The following MPHOSPH9 variants were observed in gnomAD, a reference collection of about 807,000 sequenced individuals.
MPHOSPH9 encodes M-phase phosphoprotein 9.
MPHOSPH9 carries 88 observed loss-of-function variants against 145.5 expected under a neutral mutation model. The observed-to-expected ratio is 0.60, with a 90% CI of 0.51 to 0.72. MPHOSPH9 has a LOEUF of 0.72. Ranked by LOEUF, MPHOSPH9 falls within the 30% of genes least tolerant of loss-of-function variation. MPHOSPH9 has a pLI of 0.00. For missense variants in MPHOSPH9, 1,238 were observed against 1,386.6 expected (o/e 0.89, Z 1.70); for synonymous variants, 435 against 486.2 (o/e 0.89, Z 1.39).
chr12:123,156,950 C>T (rs1404331539), intron 23 of MPHOSPH9, 42 bp from the exon 24 acceptor site: 1 of 1,479,210 alleles, frequency 6.8e-7, no homozygotes, highest in Non-Finnish European at 9.4e-7. Flanking sequence ...GAATTCTATA[C>T]CAAGTTCTAT....
chr12:123,156,686 G>T lies in MPHOSPH9; in HGVS notation c.*121C>A. The T allele has an allele frequency of 1.7e-6, 1 of 588,050 alleles. No individual in the cohort carries two copies. The highest frequency in any genetic ancestry group is 2.8e-6 in the Non-Finnish European group (1 of 356,810). The allele number at this position is 588,050 out of a possible 1,614,324, so 36.4% of individuals were successfully genotyped here. A position where few individuals can be genotyped will look rare whatever the true frequency, so the allele number is the denominator to read the frequency against. On this transcript the variant is annotated 3_prime_UTR_variant, in exon 24 of 24. Transcript: ENST00000606320. ...GTATAAAATAGCAAGTGTAAGAATA[G>T]CATGATTGTAAAACTACTGTTTGAA...
At position 123,202,801 on chromosome 12, in the gene MPHOSPH9, G is replaced by A. The variant is rs1320336839; in HGVS notation, c.1604C>T (p.Thr535Met). ...AGTAATGGTATATACTGACGGAAAC[G>A]TGGAACTGGTCCTACTTTCGTTTTG... The part of the protein sequence containing the change: ...TFQNESRTSS[T>M]FPSVYTITSN... Residue 535 changes from threonine (T) to methionine (M), a missense_variant, in exon 10 of 24, where the codon ACG (threonine) becomes ATG (methionine). Physicochemically the swap from Thr to Met is moderately conservative, Grantham distance 81 (BLOSUM62 -1). Transcript: ENST00000606320. 7 of 1,614,200 alleles carry A rather than the reference G, an allele frequency of 4.3e-6. No individual in the cohort carries two copies. The highest frequency in any genetic ancestry group is 5.9e-6 in the Non-Finnish European group (7 of 1,180,042).
chr12:123,226,339 C>A, intron 3 of MPHOSPH9: 1 of 1,175,796 alleles, frequency 8.5e-7, no homozygotes, highest in Non-Finnish European at 1.1e-6. Flanking sequence ...TTTCATTTCG[C>A]TTACTCTACA....
chr12:123,218,502 A>G lies in MPHOSPH9; in HGVS notation c.873-3T>C. 1.2e-6 allele frequency: 2 copies of G among 1,603,948 alleles called. No homozygotes were observed. The highest frequency in any genetic ancestry group is 1.7e-6 in the Non-Finnish European group (2 of 1,176,742). ...GTGCCCATGATGTTATAGCATTACT[A>G]TTTAAGAAGAGAAAACCAAAATTAC... On this transcript the variant is annotated splice_polypyrimidine_tract_variant and splice_region_variant and intron_variant, in intron 5 of 23. Transcript: ENST00000606320.
chr12:123,202,297 T>G lies in MPHOSPH9; in HGVS notation c.1804A>C (p.Lys602Gln). Residue 602 changes from lysine to glutamine, a missense_variant, in exon 11 of 24, where the codon AAG becomes CAG. By Grantham distance (53) the Lys-to-Gln change is moderately conservative. This residue lies in a region of MPHOSPH9 where 837 missense variants were observed against 897.5 expected (regional missense o/e 0.93). Transcript: ENST00000606320. Reference sequence around the variant, plus strand: ...AGATCTGCTATGTGTCGAGCATGCTTTTCCTTCAGATTCTGCCTAATCCTT... The same window carrying G: ...AGATCTGCTATGTGTCGAGCATGCTGTTCCTTCAGATTCTGCCTAATCCTT... ...LSKIRQNLKE[K>Q]HARHIADLRA... 1 of 1,607,398 alleles carries G rather than the reference T, an allele frequency of 6.2e-7. No individual in the cohort carries two copies. The highest frequency in any genetic ancestry group is 8.5e-7 in the Non-Finnish European group (1 of 1,178,416).
chr12:123,223,137 T>C lies in MPHOSPH9; in HGVS notation c.259-10A>G. The C allele has an allele frequency of 7.5e-7, 1 of 1,334,918 alleles. No individual in the cohort carries two copies. The highest frequency in any genetic ancestry group is 2.0e-5 in the South Asian group (1 of 50,726). The allele number at this position is 1,334,918 out of a possible 1,614,324, so 82.7% of individuals were successfully genotyped here. A position where few individuals can be genotyped will look rare whatever the true frequency, so the allele number is the denominator to read the frequency against. On this transcript the variant is annotated splice_polypyrimidine_tract_variant and intron_variant, in intron 3 of 23. Coordinates refer to ENST00000606320, the MANE Select transcript of MPHOSPH9 (RefSeq NM_022782.4). ...GCTGTAACCACCTGGTCTATTAAAT[T>C]ATAAAATATTTTAGTTAAAAATAAT...
At chr12:123,214,393 G>A (rs2046871804) in intron 7 of MPHOSPH9, among the ~76,000 whole-genome samples, 1 of 152,038 alleles carries the variant, frequency 6.6e-6, no homozygotes, top group Non-Finnish European at 1.5e-5. Flanking sequence ...TACAAAAGCT[G>A]GGCATGGTGA....
In MPHOSPH9 at chr12:123,195,526, C is replaced by T. The variant is rs916901944; in HGVS notation, c.2026-925G>A. ...ACTTGAACCCAGGAGGCGGAGGTGG[C>T]AACGAGCCGAGATCATGCCACTGCA... is the stretch of plus-strand genomic sequence containing the variant. On this transcript the variant is annotated intron_variant, in intron 12 of 23. Transcript: ENST00000606320. Among the ~76,000 whole-genome samples the T allele has an allele frequency of 9.3e-5, 14 of 151,298 alleles. No homozygotes were observed. The East Asian group carries it at 2.7e-3, about 29-fold the overall frequency.
chr12:123,163,407 T>A, intron 19 of MPHOSPH9: 1 of 342,756 alleles, frequency 2.9e-6, no homozygotes, highest in African/African-American at 2.2e-5. Flanking sequence ...GGAAATAAGA[T>A]GGAAACAGCA....
intron 23 of MPHOSPH9, 48 bp downstream of exon 23, chr12:123,160,733 C>A: frequency 6.5e-7 from 1 of 1,549,668 alleles, no homozygotes; most frequent in Non-Finnish European, 8.9e-7. Context: ...AACTGGAACA[C>A]TGACTGGCAT....
chr12:123,211,850 G>A lies in MPHOSPH9; in HGVS notation c.1088-1688C>T, dbSNP rs373918488. ...CTGGGACTATAAACTCAACACCACC[G>A]CACCCAGCTAATTTTTGTATTTTGT... On this transcript the variant is annotated intron_variant, in intron 7 of 23. Coordinates refer to ENST00000606320, the MANE Select transcript of MPHOSPH9 (RefSeq NM_022782.4). Among the ~76,000 whole-genome samples the A allele has an allele frequency of 2.7e-5, 4 of 150,856 alleles. No homozygotes were observed. In the South Asian group the frequency reaches 6.3e-4, roughly 24 times the overall value.
intron 14 of MPHOSPH9, 92 bp downstream of exon 14, chr12:123,181,071 G>A (rs887762061): frequency 8.6e-7 from 1 of 1,164,516 alleles, no homozygotes; most frequent in East Asian, 2.4e-5. Flanking sequence ...TTCAGGAAGG[G>A]GTGCAAGGAG....
In MPHOSPH9 at chr12:123,203,033, C is replaced by G; in HGVS notation, c.1372G>C (p.Gly458Arg). The change falls in exon 10 of 24, where the codon GGG (glycine) becomes CGG (arginine). Residue 458 changes from glycine to arginine, a missense_variant. Transcript: ENST00000606320. ...LHMKPKQQIS[G>R]IQPHGLPNAL... ...TTCGGAAGGCCGTGAGGTTGAATCCCTGAAATCTGCTGCTTTGGCTTCATG... is the reference window on the plus strand; with the variant it reads ...TTCGGAAGGCCGTGAGGTTGAATCCGTGAAATCTGCTGCTTTGGCTTCATG... 1 of 1,614,136 alleles carries G rather than the reference C, an allele frequency of 6.2e-7. No homozygotes were observed. Among genetic ancestry groups the G allele is most frequent in the Non-Finnish European group, 8.5e-7 (1 of 1,180,032 alleles).
intron 16 of MPHOSPH9, among the ~76,000 whole-genome samples, chr12:123,174,620 T>C (rs1169147799): frequency 1.3e-5 from 2 of 151,912 alleles, no homozygotes; most frequent in African/African-American, 4.8e-5. Flanking sequence ...GATCCGCCCA[T>C]CTCGGCCTCC....
chr12:123,163,641 T>C (rs2044197950), intron 19 of MPHOSPH9: 1 of 247,830 alleles, frequency 4.0e-6, no homozygotes, highest in Admixed American at 5.0e-5. Flanking sequence ...ATAGCTGGCA[T>C]TTTTAAGTAT....
intron 13 of MPHOSPH9, among the ~76,000 whole-genome samples, chr12:123,190,352 A>G (rs1565928560): frequency 6.6e-6 from 1 of 151,866 alleles, no homozygotes; most frequent in Non-Finnish European, 1.5e-5. Flanking sequence ...CGGGGTTTCA[A>G]CGTGTTAGCC....
intron 11 of MPHOSPH9, 142 bp downstream of exon 11, chr12:123,202,022 T>A (rs1386722342): frequency 1.1e-6 from 1 of 895,076 alleles, no homozygotes; most frequent in Non-Finnish European, 1.6e-6. Flanking sequence ...AGAGGGGGGT[T>A]TAGCTTCAAA....
At chr12:123,209,693 C>T (rs894157795) in intron 8 of MPHOSPH9, among the ~76,000 whole-genome samples, 1 of 151,540 alleles carries the variant, frequency 6.6e-6, no homozygotes, top group Non-Finnish European at 1.5e-5. Flanking sequence ...TACAGGATTA[C>T]AGGCCACCAC....
chr12:123,215,976 G>A (rs1433766305), intron 6 of MPHOSPH9, among the ~76,000 whole-genome samples: 1 of 152,310 alleles, frequency 6.6e-6, no homozygotes, highest in South Asian at 2.1e-4. Flanking sequence ...GGTGGCTCAC[G>A]CCTATAATCC....
Sources: gnomAD v4.1 joint callset for allele counts (sites outside exome capture counted in the v4.1 genomes callset) on GRCh38, gnomAD v4.1.1 for gene constraint, gnomAD v4.1.1 regional missense constraint, MANE v1.5 for transcripts, NCBI Gene and HGNC (gene_info 2026-07-23, HGNC 2026-07-21) for gene names.